The following HDAC9 variants were observed in gnomAD, a reference collection of about 807,000 sequenced individuals.
HDAC9 encodes histone deacetylase 9.
HDAC9 carries 41 observed loss-of-function variants against 139.4 expected under a neutral mutation model. The observed-to-expected ratio is 0.29, with a 90% CI of 0.23 to 0.38. HDAC9 has a LOEUF of 0.38. Among genes scored for constraint, HDAC9 ranks in the 10% least tolerant of loss-of-function variants. The pLI is 1.00. For missense variants in HDAC9, 1,147 were observed against 1,297.0 expected (o/e 0.88, Z 1.78); for synonymous variants, 517 against 476.2 (o/e 1.09, Z -1.12).
At chr7:18,499,245 G>A (rs1009502621) in intron 2 of HDAC9, among the ~76,000 whole-genome samples, 1 of 152,000 alleles carries the variant, frequency 6.6e-6, no homozygotes, top group African/African-American at 2.4e-5. Context: ...TTGCATTAGA[G>A]TTCCCATTTG....
chr7:18,138,046 G>A (rs1389321589), intron 1 of HDAC9, among the ~76,000 whole-genome samples: 5 of 152,306 alleles, frequency 3.3e-5, no homozygotes, highest in African/African-American at 9.6e-5. Flanking sequence ...GAGTGTATGT[G>A]TTGAGGAAGT....
chr7:18,316,962 C>T (rs1171211856), intron 1 of HDAC9, among the ~76,000 whole-genome samples: 8 of 151,908 alleles, frequency 5.3e-5, no homozygotes, highest in African/African-American at 1.2e-4. Context: ...GGAATGGTGG[C>T]GGGCGCCTGT....
intron 1 of HDAC9, among the ~76,000 whole-genome samples, chr7:18,142,300 G>A (rs57516070): frequency 0.019 from 2,862 of 152,204 alleles, 97 homozygotes; most frequent in African/African-American, 0.065. Context: ...CTTGAAATAC[G>A]TTGTGTTTCC....
intron 6 of HDAC9, among the ~76,000 whole-genome samples, chr7:18,621,750 A>G (rs1840274330): frequency 6.6e-6 from 1 of 152,192 alleles, no homozygotes; most frequent in South Asian, 2.1e-4. Flanking sequence ...TATCCCAGCC[A>G]GAAGAGGCAT....
chr7:18,180,935 A>T (rs1369685322), intron 2 of HDAC9, among the ~76,000 whole-genome samples: 1 of 152,026 alleles, frequency 6.6e-6, no homozygotes, highest in Non-Finnish European at 1.5e-5. Context: ...TTGGTTTGTG[A>T]CTGTATCACT....
chr7:18,277,442 A>G (rs1428744108), intron 2 of HDAC9, among the ~76,000 whole-genome samples: 3 of 152,216 alleles, frequency 2.0e-5, no homozygotes, highest in African/African-American at 7.2e-5. Flanking sequence ...GTTGAAAGAA[A>G]GATGAAAATT....
At chr7:18,769,888 G>C (rs1790141584) in intron 16 of HDAC9, among the ~76,000 whole-genome samples, 1 of 152,130 alleles carries the variant, frequency 6.6e-6, no homozygotes, top group African/African-American at 2.4e-5. Flanking sequence ...GCATGGTTCT[G>C]TCTCAAATTA....
At chr7:18,899,260 G>A (rs1801483087) in intron 22 of HDAC9, 1 of 152,004 alleles carries the variant, frequency 6.6e-6, no homozygotes, top group Non-Finnish European at 1.5e-5. Context: ...TAGATTTGAA[G>A]TGAGCTCCTA....
intron 1 of HDAC9, among the ~76,000 whole-genome samples, chr7:18,467,292 C>T (rs542139163): frequency 6.6e-6 from 1 of 152,288 alleles, no homozygotes; most frequent in South Asian, 2.1e-4. Context: ...TCATACCCTA[C>T]CTCTATCAGT....
At chr7:18,150,496 T>C (rs950666673) in intron 1 of HDAC9, among the ~76,000 whole-genome samples, 1 of 152,222 alleles carries the variant, frequency 6.6e-6, no homozygotes, top group Non-Finnish European at 1.5e-5. Flanking sequence ...CTGCCTTACC[T>C]TGAAAAGCAT....
At chr7:18,488,823 A>G (rs995933541) in intron 1 of HDAC9, among the ~76,000 whole-genome samples, 1 of 152,042 alleles carries the variant, frequency 6.6e-6, no homozygotes, top group South Asian at 2.1e-4. Flanking sequence ...GGTCACATTG[A>G]GATCATTTAT....
At position 19,000,861 on chromosome 7, in the gene HDAC9, T is replaced by G. The variant is rs1786715113; in HGVS notation, c.*4799T>G. The G allele has an allele frequency of 6.6e-6, 1 of 152,192 alleles. No homozygotes were observed. The highest frequency in any genetic ancestry group is 1.5e-5 in the Non-Finnish European group (1 of 68,016). 9.4% of individuals were successfully genotyped at this position (152,192 alleles called of 1,614,324 possible). A position where few individuals can be genotyped will look rare whatever the true frequency, so the allele number is the denominator to read the frequency against. ...AATCAAAAGTTTCTGAAATCTCTGT[T>G]TCCTTAGTAGAAATGACCTTGACAA... On this transcript the variant is annotated 3_prime_UTR_variant, in exon 26 of 26. Coordinates refer to ENST00000686413, the MANE Select transcript of HDAC9 (RefSeq NM_178425.4).
chr7:18,315,214 T>C (rs910457524), intron 1 of HDAC9, among the ~76,000 whole-genome samples: 2 of 152,180 alleles, frequency 1.3e-5, no homozygotes, highest in African/African-American at 4.8e-5. Context: ...CTATACCTTA[T>C]TGTAAAATTA....
In HDAC9 at chr7:18,087,352, T is replaced by G. The variant is rs1018532319; in HGVS notation, c.-97+139T>G. On this transcript the variant is annotated intron_variant, in intron 1 of 12. Coordinates refer to the HDAC9 transcript ENST00000417496. The stretch of plus-strand genomic sequence containing the variant: ...AACAGCATCTCAGTCCGGACTCTGA[T>G]GCCACTTGCCTTGCATCTCGCAGCC... 5.9e-5 allele frequency: 9 copies of G among 152,264 alleles called. No homozygotes were observed. In the East Asian group the frequency reaches 1.6e-3, roughly 26 times the overall value. 9.4% of individuals were successfully genotyped at this position (152,264 alleles called of 1,614,324 possible).
intron 12 of HDAC9, 187 bp downstream of exon 12, chr7:18,666,663 A>T: frequency 7.1e-7 from 1 of 1,399,262 alleles, no homozygotes; most frequent in Non-Finnish European, 9.3e-7. Context: ...GTCTTTCTAT[A>T]TACTGATCTC....
chr7:18,793,425 T>C lies in HDAC9; in HGVS notation c.2295T>C (p.Ala765=), dbSNP rs1792504528. ...CTGTTGGCTGTGTCATCGAGCTGGC[T>C]TCCAAAGTGGCCTCAGGAGAGCTGA... The part of the protein sequence containing the change: ...RMAVGCVIEL[A]SKVASGELKN... The change falls in exon 17 of 26, where the codon GCT becomes GCC. Residue 765 remains alanine (A), a synonymous_variant. Transcript: ENST00000686413. 3.2e-6 allele frequency: 5 copies of C among 1,582,546 alleles called. No homozygotes were observed. In the East Asian group the frequency reaches 9.2e-5, roughly 29 times the overall value.
rs548937896 is a variant in HDAC9, at chr7:18,406,632, A to G, written c.-41-89630A>G. Among the ~76,000 whole-genome samples the G allele has an allele frequency of 2.4e-4, 36 of 151,956 alleles. No homozygotes were observed. In the East Asian group the frequency reaches 6.4e-3, roughly 27 times the overall value. On this transcript the variant is annotated intron_variant, in intron 1 of 3. Coordinates refer to the HDAC9 transcript ENST00000413509. ...TCTCAATCTCCTGACCTCGTGATCC[A>G]CCCGCCTTGGCCTTCCAAAGTGCTG...
intron 16 of HDAC9, among the ~76,000 whole-genome samples, chr7:18,779,702 T>C (rs896040139): frequency 6.6e-6 from 1 of 151,996 alleles, no homozygotes; most frequent in Non-Finnish European, 1.5e-5. Context: ...AATGTGATAA[T>C]GTAGGTTATC....
intron 15 of HDAC9, among the ~76,000 whole-genome samples, chr7:18,765,941 A>G (rs973602012): frequency 1.3e-5 from 2 of 152,152 alleles, no homozygotes; most frequent in African/African-American, 4.8e-5. Flanking sequence ...ATTTGTACAT[A>G]TATTTTTCTT....
Sources: gnomAD v4.1 joint callset for allele counts (sites outside exome capture counted in the v4.1 genomes callset) on GRCh38, gnomAD v4.1.1 for gene constraint, MANE v1.5 for transcripts, NCBI Gene and HGNC (gene_info 2026-07-23, HGNC 2026-07-21) for gene names.